TECR: variants seen among roughly 807,000 people sequenced by gnomAD.
TECR encodes the protein trans-2,3-enoyl-CoA reductase, also known as very-long-chain enoyl-CoA reductase.
A neutral mutation model predicts 50.6 loss-of-function variants in TECR; 19 were observed. The ratio of observed to expected loss-of-function variants is 0.38; its 90% CI spans 0.26 to 0.55. The LOEUF (loss-of-function observed/expected upper bound fraction) is 0.55, where lower values mean the gene tolerates loss of function less well. TECR is among the 20% of genes least tolerant of loss of function. The pLI is 0.79. For missense variants in TECR, 313 were observed against 408.3 expected, an observed-to-expected ratio of 0.77 and a Z score of 2.01; for synonymous variants, 168 against 163.5, an observed-to-expected ratio of 1.03 and a Z score of -0.21.
rs2074040789 is a variant in TECR at position 14,565,227 on chromosome 19, C to G, written c.690C>G (p.Tyr230Ter). Residue 230 changes from tyrosine (Y) to a stop codon, truncating the protein, a stop_gained, in exon 11 of 13, where the codon TAC becomes TAG. Transcript: ENST00000215567. LOFTEE classifies it high-confidence loss of function. ...GGTCCAAGACGCGGAAGATCCCATA[C>G]CCCACCAAGAACCCCTTCACGTGGC... Reference protein sequence around the residue: ...PAGSKTRKIPYPTKNPFTWLF... With the variant: ...PAGSKTRKIP 2 of 1,613,934 alleles carry G rather than the reference C, an allele frequency of 1.2e-6. No individual in the cohort carries two copies. The highest frequency in any genetic ancestry group is 1.7e-6 in the Non-Finnish European group (2 of 1,180,028).
At chr19:14,556,846 C>G (rs928111322) in intron 1 of TECR, among the ~76,000 whole-genome samples, 1 of 152,156 alleles carries the variant, frequency 6.6e-6, no homozygotes, top group Non-Finnish European at 1.5e-5. Context: ...TGGGGAGCGT[C>G]GCAGCCTCCG....
Position 14,565,521 on chromosome 19 carries a change from GAAAGC to G in TECR, c.754-95_754-91del. ...GAATTGGGTTCCCATCCCTGACTCA[GAAAGC>G]AGGGGCGGCGGGAGGTGGCTGGCTG... On this transcript the variant is annotated intron_variant, in intron 11 of 12. Coordinates refer to ENST00000215567, the MANE Select transcript of TECR (RefSeq NM_138501.6). 2.0e-6 allele frequency: 3 copies of G among 1,531,716 alleles called. No individual in the cohort carries two copies. The South Asian group carries it at 3.5e-5, about 18-fold the overall frequency. The allele number at this position is 1,531,716 out of a possible 1,614,324, so 94.9% of individuals were successfully genotyped here. A position where few individuals can be genotyped will look rare whatever the true frequency, so the allele number is the denominator to read the frequency against.
intron 1 of TECR, among the ~76,000 whole-genome samples, chr19:14,549,211 CTTTTT>C (rs561284094): frequency 9.0e-6 from 1 of 111,162 alleles, no homozygotes; most frequent in African/African-American, 3.6e-5. Context: ...TTTAATTGGA[CTTTTT>C]TTTTTTTTTT....
chr19:14,560,690 C>G (rs376323441), intron 1 of TECR, among the ~76,000 whole-genome samples: 80 of 152,348 alleles, frequency 5.3e-4, no homozygotes, highest in South Asian at 2.3e-3. Context: ...AGCAGGGACT[C>G]AGGAGGCCCC....
At position 14,564,178 on chromosome 19, in the gene TECR, C is replaced by A. The variant is rs1352874313; in HGVS notation, c.384-4C>A. On this transcript the variant is annotated splice_region_variant and splice_polypyrimidine_tract_variant and intron_variant, in intron 6 of 12. Coordinates refer to ENST00000215567, the MANE Select transcript of TECR (RefSeq NM_138501.6). ...CCCCAGCTGAGCCTGCTCCCCCCGA[C>A]CAGCCTCGCCTGCATCTGTCACTCA... is the stretch of plus-strand genomic sequence containing the variant. 4 of 1,606,866 alleles carry A rather than the reference C, an allele frequency of 2.5e-6. No homozygotes were observed. The highest frequency in any genetic ancestry group is 3.4e-6 in the Non-Finnish European group (4 of 1,179,730).
At chr19:14,542,347 G>GGGTT (rs2073124658) in intron 1 of TECR, among the ~76,000 whole-genome samples, 7 of 43,300 alleles carry the variant, frequency 1.6e-4, no homozygotes, top group African/African-American at 5.7e-4. Context: ...ATGCCATAGT[G>GGGTT]TTTTTTTTTT....
chr19:14,551,363 C>G (rs943257469), intron 1 of TECR, among the ~76,000 whole-genome samples: 2 of 152,160 alleles, frequency 1.3e-5, no homozygotes, highest in Non-Finnish European at 2.9e-5. Flanking sequence ...GCGTGAGCCA[C>G]TGCACCTGGC....
In TECR at chr19:14,563,550, T is replaced by C; in HGVS notation, c.119-108T>C. On this transcript the variant is annotated intron_variant, in intron 3 of 12. Transcript: ENST00000215567. This position sits in a 1 kb window ranked among gnomAD's most constrained non-coding sequence, Gnocchi z 5.3. ...CCAGGTGGGAGGAGCTGTGGAGTCCTGGGGTCCTTGCACCCTGGGAACCCT... is the reference window on the plus strand; with the variant it reads ...CCAGGTGGGAGGAGCTGTGGAGTCCCGGGGTCCTTGCACCCTGGGAACCCT... 1.4e-6 allele frequency: 2 copies of C among 1,454,936 alleles called. No individual in the cohort carries two copies. The highest frequency in any genetic ancestry group is 9.5e-7 in the Non-Finnish European group (1 of 1,048,388). The allele number at this position is 1,454,936 out of a possible 1,614,324, so 90.1% of individuals were successfully genotyped here. A position where few individuals can be genotyped will look rare whatever the true frequency, so the allele number is the denominator to read the frequency against.
At chr19:14,544,983 C>A in intron 1 of TECR, 1 of 414,316 alleles carries the variant, frequency 2.4e-6, no homozygotes, top group South Asian at 1.7e-5. Context: ...ACTGCGGTGT[C>A]CTTTTCACTC....
intron 1 of TECR, chr19:14,536,732 A>T (rs1159365259): frequency 1.3e-5 from 2 of 152,172 alleles, no homozygotes; most frequent in Non-Finnish European, 2.9e-5. Flanking sequence ...CAAATGCTAC[A>T]GCTGAGGCCC....
intron 1 of TECR, among the ~76,000 whole-genome samples, chr19:14,561,280 C>T (rs1030268599): frequency 2.0e-5 from 3 of 152,190 alleles, no homozygotes; most frequent in Non-Finnish European, 2.9e-5. Flanking sequence ...TGGGGGCCCC[C>T]GCTGGGTTTC....
chr19:14,544,357 G>A (rs1034266288), intron 1 of TECR, among the ~76,000 whole-genome samples: 3 of 152,076 alleles, frequency 2.0e-5, no homozygotes, highest in Non-Finnish European at 2.9e-5. Flanking sequence ...TGTGGAACGA[G>A]TATGTGTATG....
intron 1 of TECR, among the ~76,000 whole-genome samples, chr19:14,553,555 C>T (rs1224649254): frequency 6.6e-6 from 1 of 152,136 alleles, no homozygotes. Context: ...GTGCAGGGTT[C>T]CTGGCAGCTG....
rs751756710 is a variant in TECR at position 14,565,677 on chromosome 19, C to T, written c.799+14C>T. 5.6e-6 allele frequency: 9 copies of T among 1,612,280 alleles called. No individual in the cohort carries two copies. The highest frequency in any genetic ancestry group is 1.1e-5 in the South Asian group (1 of 90,998). ...AGTGTCTCCCAGGTGAGCCTGCCGC[C>T]CTCCCTCGGCGGGGCCCTGCCCCTC... is the stretch of plus-strand genomic sequence containing the variant. On this transcript the variant is annotated intron_variant, in intron 12 of 12. Coordinates refer to ENST00000215567, the MANE Select transcript of TECR (RefSeq NM_138501.6).
intron 1 of TECR, among the ~76,000 whole-genome samples, chr19:14,551,654 G>A (rs1310776534): frequency 6.6e-6 from 1 of 152,058 alleles, no homozygotes; most frequent in Non-Finnish European, 1.5e-5. Flanking sequence ...CCCTGCCTGG[G>A]CCCCGCTGTG....
chr19:14,558,547 G>A (rs983793871), intron 1 of TECR, among the ~76,000 whole-genome samples: 18 of 152,126 alleles, frequency 1.2e-4, no homozygotes, highest in African/African-American at 3.9e-4. Context: ...TCAGGCTAGT[G>A]GAACTGTCAT....
At chr19:14,529,961 G>C (rs1254639003) in intron 1 of TECR, 1 of 585,370 alleles carries the variant, frequency 1.7e-6, no homozygotes. Flanking sequence ...TGCAGGGGCT[G>C]GGACGCTTGC....
chr19:14,529,649 A>G lies in TECR; in HGVS notation c.-48A>G, dbSNP rs200383949. ...GTAGGGAGCCTGTGCTGTGCCGCGCAGTTAGGCAGCAGCAGCCGCGGAGCA... is the reference window on the plus strand; with the variant it reads ...GTAGGGAGCCTGTGCTGTGCCGCGCGGTTAGGCAGCAGCAGCCGCGGAGCA... On this transcript the variant is annotated 5_prime_UTR_variant, in exon 1 of 13. Transcript: ENST00000215567. The G allele has an allele frequency of 3.6e-4, 583 of 1,613,546 alleles. No homozygotes were observed. The highest frequency in any genetic ancestry group is 4.7e-4 in the Non-Finnish European group (554 of 1,179,862).
upstream of TECR, chr19:14,529,554 G>A: frequency 1.6e-6 from 2 of 1,289,628 alleles, no homozygotes; most frequent in Non-Finnish European, 2.2e-6. Context: ...GGCCGACGGG[G>A]CGCGCGCGGC....
Sources: allele counts gnomAD v4.1 joint callset (sites outside exome capture counted in the v4.1 genomes callset), GRCh38; gene constraint gnomAD v4.1.1; non-coding constraint Gnocchi (gnomAD v3.1); transcripts MANE v1.5; gene names NCBI Gene and HGNC (gene_info 2026-07-23, HGNC 2026-07-21).